The following SLC25A31 variants were observed in gnomAD, a reference collection of about 807,000 sequenced individuals.
SLC25A31 encodes the protein solute carrier family 25 member 31, also known as ADP/ATP translocase 4.
SLC25A31 carries 40 observed loss-of-function variants against 36.2 expected under a neutral mutation model. The ratio of observed to expected loss-of-function variants is 1.10; its 90% CI spans 0.86 to 1.44. The LOEUF (loss-of-function observed/expected upper bound fraction) is 1.44, where lower values mean the gene tolerates loss of function less well. Among genes scored for constraint, SLC25A31 ranks in the 40% most tolerant of loss-of-function variants. The pLI, the probability that SLC25A31 is intolerant of heterozygous loss-of-function variation, is 0.00. For synonymous variants in SLC25A31, 143 were observed against 149.7 expected, an observed-to-expected ratio of 0.96 and a Z score of 0.32; for missense variants, 350 against 397.1, an observed-to-expected ratio of 0.88 and a Z score of 1.01.
chr4:127,744,122 C>G (rs1048758021), intron 1 of SLC25A31, among the ~76,000 whole-genome samples: 1 of 152,166 alleles, frequency 6.6e-6, no homozygotes, highest in Admixed American at 6.5e-5. Context: ...TCCCATCTCT[C>G]CCTCAGTTCT....
At chr4:127,756,914 AAACT>A (rs1321463720) in intron 2 of SLC25A31, among the ~76,000 whole-genome samples, 1 of 152,196 alleles carries the variant, frequency 6.6e-6, no homozygotes, top group Non-Finnish European at 1.5e-5. Context: ...GATTTCTTAG[AAACT>A]AACATGCACC....
At chr4:127,740,747 G>A (rs183720361) in intron 1 of SLC25A31, among the ~76,000 whole-genome samples, 1 of 152,292 alleles carries the variant, frequency 6.6e-6, no homozygotes, top group East Asian at 1.9e-4. Flanking sequence ...TGCAAAGGAA[G>A]GGTGGGGTGA....
intron 2 of SLC25A31, among the ~76,000 whole-genome samples, chr4:127,763,101 A>G (rs1732174008): frequency 6.6e-6 from 1 of 152,114 alleles, no homozygotes; most frequent in South Asian, 2.1e-4. Flanking sequence ...TCTCAGAAAA[A>G]AAAAGAGTCT....
intron 5 of SLC25A31, 144 bp from the exon 6 acceptor site, chr4:127,773,242 A>G: frequency 1.6e-6 from 1 of 617,136 alleles, no homozygotes; most frequent in Non-Finnish European, 2.5e-6. Context: ...TTCTCTAACC[A>G]CCAGGGACAG....
At position 127,771,736 on chromosome 4, in the gene SLC25A31, GT is replaced by G. The variant is rs368190673; in HGVS notation, c.760-1644del. Among the ~76,000 whole-genome samples, 64 of 152,208 alleles carry G rather than the reference GT, an allele frequency of 4.2e-4. No homozygotes were observed. The South Asian group carries it at 0.012, about 30-fold the overall frequency. On this transcript the variant is annotated intron_variant, in intron 5 of 5. Transcript: ENST00000281154. ...ACATAATTTAATATTAACTGTGGGG[GT>G]TTTTTGTCATTATCATTTATCATGT...
chr4:127,732,397 A>G (rs1332246334), intron 1 of SLC25A31, among the ~76,000 whole-genome samples: 1 of 152,104 alleles, frequency 6.6e-6, no homozygotes, highest in African/African-American at 2.4e-5. Flanking sequence ...GCCTCTCTCC[A>G]CTCATTCATT....
chr4:127,741,004 G>A (rs765971588), intron 1 of SLC25A31, among the ~76,000 whole-genome samples: 4 of 152,142 alleles, frequency 2.6e-5, no homozygotes, highest in East Asian at 1.9e-4. Flanking sequence ...AATGTTTCGT[G>A]TATGCTATTG....
intron 2 of SLC25A31, among the ~76,000 whole-genome samples, chr4:127,759,910 A>T (rs968909327): frequency 6.6e-6 from 1 of 152,218 alleles, no homozygotes; most frequent in Non-Finnish European, 1.5e-5. Context: ...CAAAGGTTAT[A>T]TGCTTTCTGA....
At chr4:127,762,346 T>C (rs1256616707) in intron 2 of SLC25A31, among the ~76,000 whole-genome samples, 1 of 152,210 alleles carries the variant, frequency 6.6e-6, no homozygotes, top group Non-Finnish European at 1.5e-5. Context: ...TCTTATGTGA[T>C]TCCATTTATA....
At position 127,768,881 on chromosome 4, in the gene SLC25A31, T is replaced by A; in HGVS notation, c.759+4T>A. 1 of 1,585,988 alleles carries A rather than the reference T, an allele frequency of 6.3e-7. No homozygotes were observed. The highest frequency in any genetic ancestry group is 8.5e-7 in the Non-Finnish European group (1 of 1,171,162). Reference sequence around the variant, plus strand: ...TAGAAGACGTATGATGATGCAGGTATTTTATGTTATTGTTTCTAAGCTTAG... The same window carrying A: ...TAGAAGACGTATGATGATGCAGGTAATTTATGTTATTGTTTCTAAGCTTAG... On this transcript the variant is annotated splice_donor_region_variant and intron_variant, in intron 5 of 5. Transcript: ENST00000281154.
At chr4:127,737,439 T>C (rs1455592638) in intron 1 of SLC25A31, among the ~76,000 whole-genome samples, 1 of 152,246 alleles carries the variant, frequency 6.6e-6, no homozygotes, top group African/African-American at 2.4e-5. Context: ...ACCTCTTTAG[T>C]CATAAATCTG....
Position 127,768,854 on chromosome 4 carries a change from G to A in SLC25A31, c.736G>A (p.Val246Ile). Reference protein sequence around the residue: ...SGILSYPFDTVRRRMMMQSGE... With the variant: ...SGILSYPFDTIRRRMMMQSGE... ...AATACTTTCTTATCCCTTTGACACA[G>A]TTAGAAGACGTATGATGATGCAGGT... The change falls in exon 5 of 6, where the codon GTT becomes ATT. Residue 246 changes from valine (V) to isoleucine (I), a missense_variant. Coordinates refer to ENST00000281154, the MANE Select transcript of SLC25A31 (RefSeq NM_031291.4). The A allele has an allele frequency of 6.3e-7, 1 of 1,598,776 alleles. No homozygotes were observed. The highest frequency in any genetic ancestry group is 1.7e-5 in the Admixed American group (1 of 57,562).
chr4:127,741,331 C>T (rs1731728277), intron 1 of SLC25A31, among the ~76,000 whole-genome samples: 1 of 152,132 alleles, frequency 6.6e-6, no homozygotes, highest in African/African-American at 2.4e-5. Context: ...CAACTTTTCT[C>T]CACTGAGTAT....
At chr4:127,747,084 GATGTGC>G (rs1731840827) in intron 2 of SLC25A31, among the ~76,000 whole-genome samples, 1 of 152,122 alleles carries the variant, frequency 6.6e-6, no homozygotes, top group South Asian at 2.1e-4. Flanking sequence ...GATGACTGTA[GATGTGC>G]AGTTTTATTT....
chr4:127,768,988 A>AG, intron 5 of SLC25A31, 111 bp downstream of exon 5: 3 of 978,996 alleles, frequency 3.1e-6, no homozygotes, highest in Non-Finnish European at 4.3e-6. Context: ...CATTTGTTTT[A>AG]CTTAGCTAAA....
At chr4:127,737,153 C>CAA (rs959439087) in intron 1 of SLC25A31, among the ~76,000 whole-genome samples, 3 of 152,190 alleles carry the variant, frequency 2.0e-5, no homozygotes, top group African/African-American at 7.2e-5. Context: ...GAGGTTAAAA[C>CAA]AAGAGTTCTT....
intron 2 of SLC25A31, among the ~76,000 whole-genome samples, chr4:127,758,095 A>G (rs1384519581): frequency 6.6e-6 from 1 of 152,154 alleles, no homozygotes; most frequent in Non-Finnish European, 1.5e-5. Flanking sequence ...CTTATTTACT[A>G]TCATAAGAGT....
chr4:127,768,024 G>C (rs2148765333), intron 4 of SLC25A31, among the ~76,000 whole-genome samples: 2 of 151,750 alleles, frequency 1.3e-5, no homozygotes, highest in South Asian at 4.2e-4. Flanking sequence ...TAAGTAAATA[G>C]CCTAGGAATG....
intron 2 of SLC25A31, among the ~76,000 whole-genome samples, chr4:127,745,910 T>G (rs1731817762): frequency 6.6e-6 from 1 of 152,076 alleles, no homozygotes; most frequent in South Asian, 2.1e-4. Context: ...ACTCAAGTAT[T>G]AAGCCTAGCA....
Sources: allele counts gnomAD v4.1 joint callset (sites outside exome capture counted in the v4.1 genomes callset), GRCh38; gene constraint gnomAD v4.1.1; transcripts MANE v1.5; gene names NCBI Gene and HGNC (gene_info 2026-07-23, HGNC 2026-07-21).